TASP1: variants seen among roughly 807,000 people sequenced by gnomAD.
The protein encoded by TASP1 is taspase 1.
A neutral mutation model predicts 56.6 loss-of-function variants in TASP1; 16 were observed. The ratio of observed to expected loss-of-function variants is 0.28; its 90% CI spans 0.19 to 0.43. The LOEUF (loss-of-function observed/expected upper bound fraction) is 0.43. Ranked by LOEUF, TASP1 falls within the 20% of genes least tolerant of loss-of-function variation. TASP1 has a pLI of 1.00. For missense variants in TASP1, 393 were observed against 511.6 expected, an observed-to-expected ratio of 0.77 and a Z score of 2.24; for synonymous variants, 179 against 184.2, an observed-to-expected ratio of 0.97 and a Z score of 0.23.
chr20:13,123,592 C>T, the TASP1 span, among the ~76,000 whole-genome samples: 3 of 152,278 alleles, frequency 2.0e-5, no homozygotes, highest in Middle Eastern at 3.4e-3. Context: ...GTAACTCCTG[C>T]GTTATATTCC....
the TASP1 span, among the ~76,000 whole-genome samples, chr20:13,329,566 A>G: frequency 0.012 from 1,827 of 152,192 alleles, 39 homozygotes; most frequent in African/African-American, 0.041. Context: ...TTTTCATTTC[A>G]GTTTCAATTG....
chr20:13,463,045 G>A (rs1044700198), intron 11 of TASP1, among the ~76,000 whole-genome samples: 4 of 152,020 alleles, frequency 2.6e-5, no homozygotes, highest in Non-Finnish European at 2.9e-5. Flanking sequence ...GGAATCTCAG[G>A]AGACCCCAAA....
At chr20:13,342,482 G>A in the TASP1 span, among the ~76,000 whole-genome samples, 1 of 152,104 alleles carries the variant, frequency 6.6e-6, no homozygotes, top group Admixed American at 6.5e-5. Flanking sequence ...TGACAGCCTC[G>A]GGACACAGGA....
chr20:13,164,569 C>T, the TASP1 span: 2 of 602,894 alleles, frequency 3.3e-6, no homozygotes, highest in Non-Finnish European at 3.0e-6. Context: ...TAATTAGCAT[C>T]TAACATTCCT....
chr20:13,279,846 C>A, the TASP1 span: 1 of 1,613,886 alleles, frequency 6.2e-7, no homozygotes, highest in Middle Eastern at 1.6e-4. Flanking sequence ...GGGGGTGGGA[C>A]CATACAGCCC....
intron 11 of TASP1, among the ~76,000 whole-genome samples, chr20:13,458,994 C>G (rs908501909): frequency 6.6e-6 from 1 of 152,102 alleles, no homozygotes; most frequent in African/African-American, 2.4e-5. Context: ...TCTACTAAAA[C>G]CAGATTGGGA....
the TASP1 span, among the ~76,000 whole-genome samples, chr20:13,277,013 G>C: frequency 1.3e-5 from 2 of 152,114 alleles, no homozygotes; most frequent in Non-Finnish European, 2.9e-5. Context: ...TAGCAATTAA[G>C]GGGAAAAATA....
At chr20:13,350,498 A>T in the TASP1 span, among the ~76,000 whole-genome samples, 1 of 152,190 alleles carries the variant, frequency 6.6e-6, no homozygotes, top group Non-Finnish European at 1.5e-5. Flanking sequence ...GCTTACTTTA[A>T]AGCAATAATA....
chr20:13,210,119 T>A, the TASP1 span, among the ~76,000 whole-genome samples: 1 of 151,044 alleles, frequency 6.6e-6, no homozygotes, highest in African/African-American at 2.4e-5. Context: ...CATCTAGTTA[T>A]TTTTTTCCAT....
Position 13,528,523 on chromosome 20 carries a change from A to G in TASP1, c.796-12T>C. 1 of 1,599,652 alleles carries G rather than the reference A, an allele frequency of 6.3e-7. No homozygotes were observed. Among genetic ancestry groups the G allele is most frequent in the Non-Finnish European group, 8.5e-7 (1 of 1,172,710 alleles). Reference sequence around the variant, plus strand: ...CCATAAAGAGCAGCCTGGGGAAAAAAGAAAATAGATATAATATTTCAGAAA... The same window carrying G: ...CCATAAAGAGCAGCCTGGGGAAAAAGGAAAATAGATATAATATTTCAGAAA... On this transcript the variant is annotated splice_polypyrimidine_tract_variant and intron_variant, in intron 9 of 13. Coordinates refer to ENST00000337743, the MANE Select transcript of TASP1 (RefSeq NM_017714.3).
At chr20:13,418,770 T>G (rs2042343087) in intron 12 of TASP1, among the ~76,000 whole-genome samples, 1 of 152,252 alleles carries the variant, frequency 6.6e-6, no homozygotes, top group African/African-American at 2.4e-5. Context: ...CAGTACCATG[T>G]GCCTTTTGAT....
the TASP1 span, among the ~76,000 whole-genome samples, chr20:13,209,885 G>A: frequency 6.6e-6 from 1 of 152,142 alleles, no homozygotes; most frequent in Non-Finnish European, 1.5e-5. Context: ...TTTACATAGA[G>A]TGCACAAGTC....
At chr20:13,604,560 T>C (rs2147381691) in intron 4 of TASP1, among the ~76,000 whole-genome samples, 1 of 152,338 alleles carries the variant, frequency 6.6e-6, no homozygotes, top group Admixed American at 6.5e-5. Flanking sequence ...GCCTCAGGTA[T>C]TCCTTTATAG....
the TASP1 span, among the ~76,000 whole-genome samples, chr20:13,210,307 T>C: frequency 6.6e-6 from 1 of 152,208 alleles, no homozygotes; most frequent in African/African-American, 2.4e-5. Context: ...TAAGGTTCTA[T>C]GAATATTTGT....
chr20:13,141,474 G>T, the TASP1 span, among the ~76,000 whole-genome samples: 1 of 152,096 alleles, frequency 6.6e-6, no homozygotes, highest in East Asian at 1.9e-4. Flanking sequence ...ATACAAAACT[G>T]GTTTCCTACA....
chr20:13,216,097 GC>G, the TASP1 span, among the ~76,000 whole-genome samples: 2 of 152,206 alleles, frequency 1.3e-5, no homozygotes, highest in African/African-American at 4.8e-5. Flanking sequence ...TATTTATGGA[GC>G]ATTTACTATG....
At chr20:13,459,474 A>G (rs1416764463) in intron 11 of TASP1, among the ~76,000 whole-genome samples, 4 of 152,068 alleles carry the variant, frequency 2.6e-5, no homozygotes, top group Non-Finnish European at 5.9e-5. Flanking sequence ...CAAAATTCCA[A>G]CCATAATTAA....
chr20:13,508,152 CAT>C (rs1363706350), intron 10 of TASP1, among the ~76,000 whole-genome samples: 1 of 150,898 alleles, frequency 6.6e-6, no homozygotes, highest in Admixed American at 6.6e-5. Context: ...TAGAAGAAAA[CAT>C]AGGGAAGAAG....
chr20:13,272,075 A>G, the TASP1 span, among the ~76,000 whole-genome samples: 1 of 152,212 alleles, frequency 6.6e-6, no homozygotes, highest in East Asian at 1.9e-4. Flanking sequence ...CACCACAGCC[A>G]GCCCATACTT....
Sources: gnomAD v4.1 joint callset for allele counts (sites outside exome capture counted in the v4.1 genomes callset) on GRCh38, gnomAD v4.1.1 for gene constraint, MANE v1.5 for transcripts, NCBI Gene and HGNC (gene_info 2026-07-23, HGNC 2026-07-21) for gene names.